The following PIKFYVE variants were observed in gnomAD, a reference collection of about 807,000 sequenced individuals.
PIKFYVE encodes the protein 1-phosphatidylinositol 3-phosphate 5-kinase.
PIKFYVE carries 122 observed loss-of-function variants against 257.9 expected under a neutral mutation model. That is an observed-to-expected ratio of 0.47 (90% CI 0.41 to 0.55). The LOEUF is 0.55. Among genes scored for constraint, PIKFYVE ranks in the 20% least tolerant of loss-of-function variants. PIKFYVE has a pLI of 0.00. For synonymous variants in PIKFYVE, 892 were observed against 868.9 expected (o/e 1.03, Z -0.47); for missense variants, 2,160 against 2,536.6 (o/e 0.85, Z 3.19).
rs1698496899 is a variant in PIKFYVE at position 208,339,483 on chromosome 2, A to C, written c.4738A>C (p.Thr1580Pro). 6.2e-7 allele frequency: 1 copy of C among 1,613,968 alleles called. No individual in the cohort carries two copies. The highest frequency in any genetic ancestry group is 1.7e-5 in the Admixed American group (1 of 59,990). ...CAGTTCTACTCATCTCCAATTGCCT[A>C]CGCCACCTGAAGTCATGTCTGAACA... ...STSSTHLQLP[T>P]PPEVMSEQSV... Residue 1580 changes from threonine to proline, a missense_variant, in exon 30 of 42, where the codon ACG becomes CCG. By Grantham distance (38) the Thr-to-Pro change is conservative. Around this residue, in one of 12 missense-constraint regions of PIKFYVE, gnomAD observed 699 missense variants for 855.8 expected, o/e 0.82. Coordinates refer to ENST00000264380, the MANE Select transcript of PIKFYVE (RefSeq NM_015040.4).
chr2:208,275,652 T>TTA (rs1690005702), intron 3 of PIKFYVE, among the ~76,000 whole-genome samples: 1 of 152,244 alleles, frequency 6.6e-6, no homozygotes, highest in South Asian at 2.1e-4. Context: ...GGGAAATTCT[T>TTA]TGTAAACTTT....
intron 20 of PIKFYVE, 80 bp downstream of exon 20, chr2:208,326,509 G>T (rs1043316375): frequency 1.4e-6 from 2 of 1,460,800 alleles, no homozygotes; most frequent in Non-Finnish European, 1.9e-6. Flanking sequence ...AAAAAAATCA[G>T]TTTGGCAGAC....
chr2:208,336,252 A>G, intron 27 of PIKFYVE, 52 bp downstream of exon 27: 1 of 1,605,572 alleles, frequency 6.2e-7, no homozygotes, highest in Non-Finnish European at 8.5e-7. Context: ...ATTTGTTCTA[A>G]TGTGATATCT....
chr2:208,318,951 A>AAC (rs1491548113), intron 16 of PIKFYVE, among the ~76,000 whole-genome samples: 68 of 8,602 alleles, frequency 7.9e-3, no homozygotes, highest in Middle Eastern at 0.083. Flanking sequence ...ACTCCGTCTC[A>AAC]AAAAAAAAAA....
At chr2:208,308,709 GTTT>G (rs34169884) in intron 12 of PIKFYVE, among the ~76,000 whole-genome samples, 1 of 140,528 alleles carries the variant, frequency 7.1e-6, no homozygotes. Flanking sequence ...CTAGTAGTTG[GTTT>G]TTTTTTTTTT....
Position 208,269,575 on chromosome 2 carries a change from A to G in PIKFYVE, c.-9-1936A>G, listed in dbSNP as rs188095737. On this transcript the variant is annotated intron_variant, in intron 1 of 41. Coordinates refer to ENST00000264380, the MANE Select transcript of PIKFYVE (RefSeq NM_015040.4). ...CTTGGCTGCTGCCTGGAGCATGGGC[A>G]GGAAAGTCTTGAAGTCCACATGCCG... 42 of 286,032 alleles carry G rather than the reference A, an allele frequency of 1.5e-4. No individual in the cohort carries two copies. The East Asian group carries it at 3.9e-3, about 26-fold the overall frequency. 17.7% of individuals were successfully genotyped at this position (286,032 alleles called of 1,614,324 possible).
intron 36 of PIKFYVE, 39 bp from the exon 37 acceptor site, chr2:208,350,732 A>G: frequency 6.2e-7 from 1 of 1,604,790 alleles, no homozygotes; most frequent in Non-Finnish European, 8.5e-7. Context: ...ATATTTTCTG[A>G]GTCATAAAGC....
chr2:208,317,095 A>G (rs1243945182), intron 15 of PIKFYVE, among the ~76,000 whole-genome samples: 1 of 148,020 alleles, frequency 6.8e-6, no homozygotes, highest in African/African-American at 2.5e-5. Context: ...TGTCTAAAAC[A>G]CCAAAAGCAA....
At chr2:208,319,094 A>G (rs1182006920) in intron 16 of PIKFYVE, among the ~76,000 whole-genome samples, 2 of 152,214 alleles carry the variant, frequency 1.3e-5, no homozygotes, top group South Asian at 4.1e-4. Flanking sequence ...CATTCAAAAC[A>G]GAGATACCCT....
chr2:208,285,916 T>G lies in PIKFYVE; in HGVS notation c.804T>G (p.Asp268Glu). The G allele has an allele frequency of 6.2e-7, 1 of 1,614,108 alleles. No homozygotes were observed. The highest frequency in any genetic ancestry group is 1.1e-5 in the South Asian group (1 of 91,090). ...CCAGCCGTAACATATTTTTAGAGGA[T>G]GATTTGGCCTGGCAAAGGTATTGTC... is the stretch of plus-strand genomic sequence containing the variant. ...RKASRNIFLE[D>E]DLAWQSLIHP... is the part of the protein sequence containing the mutation. The change falls in exon 6 of 42, where the codon GAT (aspartate) becomes GAG (glutamate). Residue 268 changes from aspartate to glutamate, a missense_variant. Physicochemically the swap from Asp to Glu is conservative, Grantham distance 45. Around this residue, in one of 12 missense-constraint regions of PIKFYVE, gnomAD observed 187 missense variants for 185.6 expected, o/e 1.01. Coordinates refer to ENST00000264380, the MANE Select transcript of PIKFYVE (RefSeq NM_015040.4).
intron 7 of PIKFYVE, among the ~76,000 whole-genome samples, chr2:208,296,941 T>C (rs1693065848): frequency 6.6e-6 from 1 of 152,020 alleles, no homozygotes; most frequent in Non-Finnish European, 1.5e-5. Flanking sequence ...TGCTGTAAAG[T>C]AGAGGGAAAT....
chr2:208,309,832 A>G (rs1324328072), intron 12 of PIKFYVE, among the ~76,000 whole-genome samples: 6 of 152,182 alleles, frequency 3.9e-5, no homozygotes, highest in Non-Finnish European at 5.9e-5. Context: ...GGGGACTTCT[A>G]AGTTTTCTTT....
chr2:208,332,525 C>G (rs1479251132), intron 23 of PIKFYVE, among the ~76,000 whole-genome samples: 1 of 152,046 alleles, frequency 6.6e-6, no homozygotes, highest in Non-Finnish European at 1.5e-5. Context: ...GGATGTTCAT[C>G]AGAACATCAT....
chr2:208,282,549 CT>C (rs771953061), intron 5 of PIKFYVE, among the ~76,000 whole-genome samples: 8 of 152,226 alleles, frequency 5.3e-5, no homozygotes, highest in Non-Finnish European at 7.3e-5. Context: ...GACAGAATTT[CT>C]TTTTCTTCAG....
rs1699761981 is a variant in PIKFYVE at position 208,351,398 on chromosome 2, C to T, written c.5658C>T (p.Ser1886=). The part of the protein sequence containing the change: ...LKQMPRLEVQ[S]FLDFAPHYFN... The stretch of plus-strand genomic sequence containing the variant: ...AAATGCCTCGTCTGGAAGTCCAGTC[C>T]TTCCTCGACTTTGCACCACATTACT... The change falls in exon 38 of 42, where the codon TCC becomes TCT. Residue 1886 remains serine, a synonymous_variant. Coordinates refer to ENST00000264380, the MANE Select transcript of PIKFYVE (RefSeq NM_015040.4). The T allele has an allele frequency of 6.2e-6, 10 of 1,613,938 alleles. No homozygotes were observed. The East Asian group carries it at 2.0e-4, about 32-fold the overall frequency.
In PIKFYVE at chr2:208,342,612, G is replaced by C. The variant is rs139010596; in HGVS notation, c.4990G>C (p.Glu1664Gln). The change falls in exon 32 of 42, where the codon GAG (glutamate) becomes CAG (glutamine). Residue 1664 changes from glutamate (E) to glutamine (Q), a missense_variant. Around this residue, in one of 12 missense-constraint regions of PIKFYVE, gnomAD observed 699 missense variants for 855.8 expected, o/e 0.82. Transcript: ENST00000264380. ...EHERVPIAVC[E>Q]KEPSSIIAFA... ...TGAACGAGTGCCCATTGCAGTCTGC[G>C]AGAAGGAACCCAGCTCCATCATTGC... 3 of 1,613,822 alleles carry C rather than the reference G, an allele frequency of 1.9e-6. No individual in the cohort carries two copies. The highest frequency in any genetic ancestry group is 2.5e-6 in the Non-Finnish European group (3 of 1,179,794).
rs1002479888 is a variant in PIKFYVE, at chr2:208,356,327, C to G, written c.*1022C>G. ...TGTGGACATCCCCTTTTCCAACTTT[C>G]TACATAATGGCTAGTTCTGACTACT... is the stretch of plus-strand genomic sequence containing the variant. On this transcript the variant is annotated 3_prime_UTR_variant, in exon 42 of 42. Transcript: ENST00000264380. The G allele has an allele frequency of 6.6e-6, 1 of 152,204 alleles. No homozygotes were observed. Among genetic ancestry groups the G allele is most frequent in the Non-Finnish European group, 1.5e-5 (1 of 68,050 alleles). The allele number at this position is 152,204 out of a possible 1,614,324, so 9.4% of individuals were successfully genotyped here. A position where few individuals can be genotyped will look rare whatever the true frequency, so the allele number is the denominator to read the frequency against.
intron 17 of PIKFYVE, among the ~76,000 whole-genome samples, chr2:208,322,603 A>C (rs960309799): frequency 2.6e-5 from 4 of 151,876 alleles, no homozygotes; most frequent in African/African-American, 7.2e-5. Context: ...TGAGATTCTT[A>C]CTGTGTTTGC....
At position 208,302,365 on chromosome 2, in the gene PIKFYVE, T is replaced by C; in HGVS notation, c.1320+12T>C. ...ATAGACCACTGCAGGTACTTTTCAG[T>C]GTTTACTGCCAATTAGAATGTAGCA... On this transcript the variant is annotated intron_variant, in intron 10 of 41. Transcript: ENST00000264380. 1 of 1,593,812 alleles carries C rather than the reference T, an allele frequency of 6.3e-7. No homozygotes were observed. The highest frequency in any genetic ancestry group is 1.1e-5 in the South Asian group (1 of 90,652).
Sources: allele counts gnomAD v4.1 joint callset (sites outside exome capture counted in the v4.1 genomes callset), GRCh38; gene constraint gnomAD v4.1.1; regional missense constraint gnomAD v4.1.1; transcripts MANE v1.5; gene names NCBI Gene and HGNC (gene_info 2026-07-23, HGNC 2026-07-21).